The following TDP2 variants were observed in gnomAD, a reference collection of about 807,000 sequenced individuals.
TDP2 encodes the protein tyrosyl-DNA phosphodiesterase 2.
TDP2 carries 38 observed loss-of-function variants against 42.8 expected under a neutral mutation model. The observed-to-expected ratio is 0.89, with a 90% CI of 0.68 to 1.16. The LOEUF is 1.16. TDP2 is among the 50% of genes most tolerant of loss of function. TDP2 has a pLI of 0.00. For synonymous variants in TDP2, 173 were observed against 150.6 expected, an observed-to-expected ratio of 1.15 and a Z score of -1.09; for missense variants, 439 against 439.3, an observed-to-expected ratio of 1.00 and a Z score of 0.01.
intron 2 of TDP2, chr6:24,665,898 TA>T: frequency 2.0e-6 from 1 of 493,194 alleles, no homozygotes; most frequent in Non-Finnish European, 3.3e-6. Flanking sequence ...GCACAGGTAA[TA>T]AAGATCTTTA....
At position 24,650,564 on chromosome 6, in the gene TDP2, G is replaced by A; in HGVS notation, c.*224C>T. 1 of 536,986 alleles carries A rather than the reference G, an allele frequency of 1.9e-6. No individual in the cohort carries two copies. The highest frequency in any genetic ancestry group is 3.3e-6 in the Non-Finnish European group (1 of 307,036). The allele number at this position is 536,986 out of a possible 1,614,324, so 33.3% of individuals were successfully genotyped here. On this transcript the variant is annotated 3_prime_UTR_variant, in exon 7 of 7. Transcript: ENST00000378198. Reference sequence around the variant, plus strand: ...ACCGTTGAAAACTCTGACAGGCTTTGTGCCCTTTTTATTAAATGGCCTCAC... The same window carrying A: ...ACCGTTGAAAACTCTGACAGGCTTTATGCCCTTTTTATTAAATGGCCTCAC...
chr6:24,658,942 T>G (rs1778099582), intron 2 of TDP2: 1 of 566,688 alleles, frequency 1.8e-6, no homozygotes, highest in Non-Finnish European at 3.1e-6. Flanking sequence ...GCCCACTTCT[T>G]TGTACGGAAA....
chr6:24,666,329 G>T, intron 2 of TDP2, 197 bp downstream of exon 2: 1 of 1,515,148 alleles, frequency 6.6e-7, no homozygotes. Context: ...GCGACAGTCT[G>T]GTGCAGTGTT....
intron 4 of TDP2, among the ~76,000 whole-genome samples, chr6:24,655,576 A>G (rs1340885831): frequency 6.6e-6 from 1 of 152,194 alleles, no homozygotes; most frequent in Non-Finnish European, 1.5e-5. Flanking sequence ...CTCTATTAAC[A>G]GGAGACTACA....
intron 2 of TDP2, among the ~76,000 whole-genome samples, chr6:24,662,984 C>A (rs1329675784): frequency 6.6e-6 from 1 of 152,070 alleles, no homozygotes; most frequent in Non-Finnish European, 1.5e-5. Context: ...CACATCAGGC[C>A]CCTTACCTAT....
At position 24,666,517 on chromosome 6, in the gene TDP2, A is replaced by C. The variant is rs1223114517; in HGVS notation, c.251+9T>G. ...GTGCGGACTGGCTCCCGCTCCCCTC[A>C]TCACTTACTAGGTCTTGGGCTCAGA... On this transcript the variant is annotated intron_variant, in intron 2 of 6. Transcript: ENST00000378198. 2.5e-6 allele frequency: 4 copies of C among 1,613,514 alleles called. No individual in the cohort carries two copies. The highest frequency in any genetic ancestry group is 3.4e-6 in the Non-Finnish European group (4 of 1,179,612).
At chr6:24,657,625 CTATTAA>C (rs3033236) in intron 4 of TDP2, among the ~76,000 whole-genome samples, 181 bp downstream of exon 4, 24,604 of 151,944 alleles carry the variant, frequency 0.16, 2,075 homozygotes, top group South Asian at 0.27. Flanking sequence ...CCTTTTCACA[CTATTAA>C]TATTAAGTTG....
intron 4 of TDP2, among the ~76,000 whole-genome samples, chr6:24,656,656 GC>G (rs1419211695): frequency 6.6e-6 from 1 of 152,116 alleles, no homozygotes; most frequent in Non-Finnish European, 1.5e-5. Flanking sequence ...AATGGCATCA[GC>G]CTTATCACCC....
chr6:24,658,543 A>G lies in TDP2; in HGVS notation c.425+18T>C. On this transcript the variant is annotated intron_variant, in intron 3 of 6. Transcript: ENST00000378198. ...TACATAAGACACATTACTATTAAAT[A>G]GAAGTGATAATACTTACAAAGCTAA... The G allele has an allele frequency of 6.3e-7, 1 of 1,591,504 alleles. No individual in the cohort carries two copies. Among genetic ancestry groups the G allele is most frequent in the Non-Finnish European group, 8.6e-7 (1 of 1,167,328 alleles).
chr6:24,661,261 T>C (rs920580614), intron 2 of TDP2, among the ~76,000 whole-genome samples: 3 of 152,172 alleles, frequency 2.0e-5, no homozygotes, highest in Non-Finnish European at 2.9e-5. Context: ...TAAGGAAAAA[T>C]GTTCCCTTCT....
intron 4 of TDP2, among the ~76,000 whole-genome samples, chr6:24,655,364 C>A (rs1387355785): frequency 6.6e-6 from 1 of 152,114 alleles, no homozygotes; most frequent in Non-Finnish European, 1.5e-5. Context: ...AAGGAAACCA[C>A]TTGAGTGACT....
chr6:24,663,448 C>T (rs1778186158), intron 2 of TDP2, among the ~76,000 whole-genome samples: 1 of 152,318 alleles, frequency 6.6e-6, no homozygotes, highest in South Asian at 2.1e-4. Flanking sequence ...TCCTTTCCTC[C>T]TCTGTTTCAT....
intron 2 of TDP2, among the ~76,000 whole-genome samples, chr6:24,661,267 C>T (rs1778143837): frequency 6.6e-6 from 1 of 152,116 alleles, no homozygotes; most frequent in South Asian, 2.1e-4. Flanking sequence ...AAAATGTTCC[C>T]TTCTCTCTTG....
chr6:24,657,940 A>T, intron 3 of TDP2, 37 bp from the exon 4 acceptor site: 1 of 1,370,264 alleles, frequency 7.3e-7, no homozygotes, highest in Non-Finnish European at 1.0e-6. Flanking sequence ...AATACCAAGT[A>T]TACCATTTCA....
intron 3 of TDP2, among the ~76,000 whole-genome samples, chr6:24,658,225 T>C (rs112996957): frequency 1.0e-3 from 154 of 152,324 alleles, no homozygotes; most frequent in African/African-American, 3.5e-3. Context: ...TTAACCACAA[T>C]GAAGAAAACT....
intron 4 of TDP2, 68 bp downstream of exon 4, chr6:24,657,744 C>T: frequency 1.1e-6 from 1 of 922,884 alleles, no homozygotes; most frequent in South Asian, 1.7e-5. Flanking sequence ...AATAGACCAA[C>T]TTTGATTTAT....
In TDP2 at chr6:24,650,471, G is replaced by C. The variant is rs1582418009; in HGVS notation, c.*317C>G. Reference sequence around the variant, plus strand: ...ATATTAACTATTTCGGTGCCTGAATGGAAAAATATAAACATTAGCTCAGAG... The same window carrying C: ...ATATTAACTATTTCGGTGCCTGAATCGAAAAATATAAACATTAGCTCAGAG... On this transcript the variant is annotated 3_prime_UTR_variant, in exon 7 of 7. Transcript: ENST00000378198. 4.1e-6 allele frequency: 1 copy of C among 246,210 alleles called. No homozygotes were observed. The highest frequency in any genetic ancestry group is 9.0e-5 in the East Asian group (1 of 11,164). 15.3% of individuals were successfully genotyped at this position (246,210 alleles called of 1,614,324 possible). A position where few individuals can be genotyped will look rare whatever the true frequency, so the allele number is the denominator to read the frequency against.
chr6:24,660,344 GGTACA>G (rs1240670682), intron 2 of TDP2, among the ~76,000 whole-genome samples: 1 of 152,100 alleles, frequency 6.6e-6, no homozygotes, highest in Non-Finnish European at 1.5e-5. Context: ...AAACCTAGAT[GGTACA>G]ACAGCCTCCT....
rs77370926 is a variant in TDP2, at chr6:24,650,716, C to A, written c.*72G>T. 8.5e-5 allele frequency: 128 copies of A among 1,499,022 alleles called. 2 individuals are homozygous for A. In the East Asian group the frequency reaches 2.9e-3, roughly 34 times the overall value. The allele number at this position is 1,499,022 out of a possible 1,614,324, so 92.9% of individuals were successfully genotyped here. ...ATCTAGTACATTATTTCCTCCACAG[C>A]AAACCTACCTTTCCAGAAGGTGGAA... On this transcript the variant is annotated 3_prime_UTR_variant, in exon 7 of 7. Coordinates refer to ENST00000378198, the MANE Select transcript of TDP2 (RefSeq NM_016614.3).
Sources: allele counts gnomAD v4.1 joint callset (sites outside exome capture counted in the v4.1 genomes callset), GRCh38; gene constraint gnomAD v4.1.1; transcripts MANE v1.5; gene names NCBI Gene and HGNC (gene_info 2026-07-23, HGNC 2026-07-21).